NKD1: variants seen among roughly 807,000 people sequenced by gnomAD.
NKD1 encodes the protein protein naked cuticle homolog 1.
In NKD1, 21 loss-of-function variants were observed where a neutral mutation model predicts 56.0. That is an observed-to-expected ratio of 0.38 (90% CI 0.27 to 0.54). NKD1 has a LOEUF of 0.54. NKD1 is among the 20% of genes least tolerant of loss of function. The pLI, the probability that NKD1 is intolerant of heterozygous loss-of-function variation, is 0.82. For missense variants in NKD1, 578 were observed against 642.7 expected (o/e 0.90, Z 1.09); for synonymous variants, 263 against 265.7 (o/e 0.99, Z 0.10).
intron 3 of NKD1, among the ~76,000 whole-genome samples, chr16:50,579,861 C>G (rs1324877658): frequency 6.7e-6 from 1 of 149,528 alleles, no homozygotes. Context: ...TGCATGCACT[C>G]TCTTAGTCTC....
At chr16:50,558,109 AG>A (rs1960542588) in intron 3 of NKD1, 1 of 152,260 alleles carries the variant, frequency 6.6e-6, no homozygotes, top group African/African-American at 2.4e-5. Context: ...CTGATCATTA[AG>A]AAAATCCAGC....
chr16:50,589,382 A>G (rs1332576598), intron 3 of NKD1, among the ~76,000 whole-genome samples: 3 of 152,182 alleles, frequency 2.0e-5, no homozygotes, highest in African/African-American at 7.2e-5. Context: ...GTGGTGAAAA[A>G]GAGCTTTTTA....
At chr16:50,590,251 C>A (rs766265594) in intron 3 of NKD1, among the ~76,000 whole-genome samples, 2 of 152,212 alleles carry the variant, frequency 1.3e-5, no homozygotes, top group African/African-American at 4.8e-5. Context: ...GGCTTAACCT[C>A]ATCTCCCCAT....
In NKD1 at chr16:50,598,572, G is replaced by A. The variant is rs1961527390; in HGVS notation, c.193-9722G>A. Among the ~76,000 whole-genome samples, 1 of 152,158 alleles carries A rather than the reference G, an allele frequency of 6.6e-6. No individual in the cohort carries two copies. Among genetic ancestry groups the A allele is most frequent in the East Asian group, 1.9e-4 (1 of 5,168 alleles). On this transcript the variant is annotated intron_variant, in intron 3 of 9. Coordinates refer to ENST00000268459, the MANE Select transcript of NKD1 (RefSeq NM_033119.5). The surrounding 1 kb of genome is among the most constrained non-coding windows in gnomAD (Gnocchi z 4.2). ...TGGCTCAGGGCCACCCTGTCGGCAG[G>A]TCACACGTGCTAGACCCTGGCAGCA...
chr16:50,633,559 CG>C lies in NKD1; in HGVS notation c.1194del (p.His399ThrfsTer98). On this transcript the variant is annotated frameshift_variant, in exon 10 of 10. Coordinates refer to ENST00000268459, the MANE Select transcript of NKD1 (RefSeq NM_033119.5). LOFTEE classifies it high-confidence loss of function. This position sits in a 1 kb window ranked among gnomAD's most constrained non-coding sequence, Gnocchi z 4.9. ...PALLPSLAPL[G>X]HKKHKHRAKE... ...CCCTCCTCCCCTCCCTAGCCCCCCT[CG>C]GGCACAAGAAGCACAAGCACCGAGC... is the stretch of plus-strand genomic sequence containing the variant. The C allele has an allele frequency of 1.2e-6, 2 of 1,611,394 alleles. No homozygotes were observed. Among genetic ancestry groups the C allele is most frequent in the Non-Finnish European group, 1.7e-6 (2 of 1,179,412 alleles).
At chr16:50,580,344 G>A (rs979380955) in intron 3 of NKD1, among the ~76,000 whole-genome samples, 3 of 152,270 alleles carry the variant, frequency 2.0e-5, no homozygotes, top group Non-Finnish European at 4.4e-5. Flanking sequence ...GAGAGGCGAG[G>A]GCCCAGTGCT....
At chr16:50,629,650 A>G (rs1962299997) in intron 6 of NKD1, among the ~76,000 whole-genome samples, 1 of 152,060 alleles carries the variant, frequency 6.6e-6, no homozygotes, top group African/African-American at 2.4e-5. Flanking sequence ...TGTAATCCCA[A>G]CACTTAGGGA....
Position 50,550,660 on chromosome 16 carries a change from C to CT in NKD1, c.192+1106dup, listed in dbSNP as rs141173630. Among the ~76,000 whole-genome samples the CT allele has an allele frequency of 3.8e-4, 58 of 152,234 alleles. 1 individual carries two copies. In the East Asian group the frequency reaches 0.011, roughly 29 times the overall value. ...GTTGGCCGGGTCGGACTTGGAGCTG[C>CT]TGTCCCCTAGTAAAGGTCAAATCTT... is the stretch of plus-strand genomic sequence containing the variant. On this transcript the variant is annotated intron_variant, in intron 3 of 9. Transcript: ENST00000268459.
chr16:50,549,339 A>ACCGCGCCTCCTTCTTCCCT, intron 2 of NKD1, 83 bp from the exon 3 acceptor site: 2 of 1,525,368 alleles, frequency 1.3e-6, no homozygotes, highest in Non-Finnish European at 1.8e-6. Flanking sequence ...TTCGCCTCCC[A>ACCGCGCCTCCTTCTTCCCT]CCGCGCCTCC....
In NKD1 at chr16:50,632,541, C is replaced by T; in HGVS notation, c.823+133C>T. Reference sequence around the variant, plus strand: ...CAACTATTATGGGACAGGTCAAAGACTTCTTGGAGAAAGTGACGTTAAAAA... The same window carrying T: ...CAACTATTATGGGACAGGTCAAAGATTTCTTGGAGAAAGTGACGTTAAAAA... On this transcript the variant is annotated intron_variant, in intron 9 of 9. Transcript: ENST00000268459. The surrounding 1 kb of genome is among the most constrained non-coding windows in gnomAD (Gnocchi z 4.1). 2.4e-6 allele frequency: 2 copies of T among 820,080 alleles called. No homozygotes were observed. Among genetic ancestry groups the T allele is most frequent in the Non-Finnish European group, 3.9e-6 (2 of 514,364 alleles). The allele number at this position is 820,080 out of a possible 1,614,324, so 50.8% of individuals were successfully genotyped here.
At position 50,551,241 on chromosome 16, in the gene NKD1, G is replaced by A. The variant is rs533265496; in HGVS notation, c.192+1686G>A. On this transcript the variant is annotated intron_variant, in intron 3 of 9. Transcript: ENST00000268459. ...TTGCCATTGGGGGAAGTGAGGGAGG[G>A]TGGGGAGGGGGCCCCAGCTTAAGTC... 5.9e-5 allele frequency among the ~76,000 whole-genome samples: 9 copies of A among 151,452 alleles called. No homozygotes were observed. In the East Asian group the frequency reaches 1.4e-3, roughly 23 times the overall value.
At chr16:50,612,502 C>G (rs554126495) in intron 4 of NKD1, among the ~76,000 whole-genome samples, 1 of 152,330 alleles carries the variant, frequency 6.6e-6, no homozygotes, top group South Asian at 2.1e-4. Context: ...GCAGTCACGA[C>G]ATTCACAGGA....
chr16:50,633,291 G>A lies in NKD1; in HGVS notation c.923G>A (p.Arg308Gln), dbSNP rs1962387864. 3.7e-6 allele frequency: 6 copies of A among 1,613,990 alleles called. No individual in the cohort carries two copies. Among genetic ancestry groups the A allele is most frequent in the South Asian group, 2.2e-5 (2 of 91,070 alleles). Residue 308 changes from arginine (R) to glutamine (Q), a missense_variant, in exon 10 of 10, where the codon CGA becomes CAA. Arg to Gln is a conservative substitution (Grantham distance 43, BLOSUM62 1). Coordinates refer to ENST00000268459, the MANE Select transcript of NKD1 (RefSeq NM_033119.5). This position sits in a 1 kb window ranked among gnomAD's most constrained non-coding sequence, Gnocchi z 4.9. ...CCGGAAGCCATCCACATCCCACACC[G>A]AAAGCCCCAAGGCGTGGACCCGGCC... ...HEPEAIHIPH[R>Q]KPQGVDPASF...
At chr16:50,587,315 C>T (rs1961251800) in intron 3 of NKD1, among the ~76,000 whole-genome samples, 1 of 152,222 alleles carries the variant, frequency 6.6e-6, no homozygotes, top group Non-Finnish European at 1.5e-5. Flanking sequence ...TTAGTCCACA[C>T]TTTGAATCGC....
rs556476880 is a variant in NKD1 at position 50,562,991 on chromosome 16, C to A, written c.192+13436C>A. The stretch of plus-strand genomic sequence containing the variant: ...GGCTGCTAGGTCCCACCACCACCCC[C>A]CCCCCCCGCCGTAGAATGGGTAGAA... On this transcript the variant is annotated intron_variant, in intron 3 of 9. Coordinates refer to ENST00000268459, the MANE Select transcript of NKD1 (RefSeq NM_033119.5). Among the ~76,000 whole-genome samples the A allele has an allele frequency of 1.0e-3, 125 of 125,598 alleles. 9 individuals are homozygous for A. The highest frequency in any genetic ancestry group is 3.3e-3 in the African/African-American group (97 of 29,174). The allele number at this position is 125,598 out of a possible 152,430, so 82.4% of individuals were successfully genotyped here.
chr16:50,600,358 C>T (rs1044978988), intron 3 of NKD1, among the ~76,000 whole-genome samples: 2 of 151,890 alleles, frequency 1.3e-5, no homozygotes, highest in African/African-American at 4.8e-5. Context: ...CGGTGGGAGT[C>T]GCAGATACTC....
rs556019818 is a variant in NKD1, at chr16:50,563,429, C to G, written c.192+13874C>G. ...ATCCTCAGTGGGCACAGCCCTGGAC[C>G]CATGGAGAAGACCCTGTGTGTCAGG... On this transcript the variant is annotated intron_variant, in intron 3 of 9. Transcript: ENST00000268459. Among the ~76,000 whole-genome samples the G allele has an allele frequency of 4.6e-3, 548 of 120,018 alleles. 3 individuals are homozygous for G. Among genetic ancestry groups the G allele is most frequent in the African/African-American group, 0.015 (460 of 30,520 alleles). The allele number at this position is 120,018 out of a possible 152,430, so 78.7% of individuals were successfully genotyped here. A position where few individuals can be genotyped will look rare whatever the true frequency, so the allele number is the denominator to read the frequency against.
chr16:50,583,063 T>G (rs555025840), intron 3 of NKD1, among the ~76,000 whole-genome samples: 32 of 152,182 alleles, frequency 2.1e-4, no homozygotes, highest in African/African-American at 6.0e-4. Flanking sequence ...CCGACTTGGG[T>G]GTTAGGCAGA....
intron 3 of NKD1, among the ~76,000 whole-genome samples, chr16:50,589,127 C>T (rs555840402): frequency 6.6e-6 from 1 of 152,308 alleles, no homozygotes; most frequent in East Asian, 1.9e-4. Context: ...CCCCAGCACT[C>T]AGATCTTCCT....
Sources: allele counts gnomAD v4.1 joint callset (sites outside exome capture counted in the v4.1 genomes callset), GRCh38; gene constraint gnomAD v4.1.1; non-coding constraint Gnocchi (gnomAD v3.1); transcripts MANE v1.5; gene names NCBI Gene and HGNC (gene_info 2026-07-23, HGNC 2026-07-21).